MYBPC3: variants seen among roughly 807,000 people sequenced by gnomAD.
MYBPC3 encodes the protein myosin binding protein C3, also known as myosin-binding protein C, cardiac-type.
MYBPC3 carries 108 observed loss-of-function variants against 159.3 expected under a neutral mutation model. The observed-to-expected ratio is 0.68, with a 90% CI of 0.58 to 0.80. MYBPC3 has a LOEUF of 0.80. Ranked by LOEUF, MYBPC3 falls within the 30% of genes least tolerant of loss-of-function variation. MYBPC3 has a pLI of 0.00. For missense variants in MYBPC3, 1,631 were observed against 1,762.1 expected (o/e 0.93, Z 1.33); for synonymous variants, 730 against 702.0 (o/e 1.04, Z -0.63).
In MYBPC3 at chr11:47,331,736, A is replaced by G. The variant is rs2095875633; in HGVS notation, c.*27-20T>C. On this transcript the variant is annotated intron_variant, in intron 34 of 34. Transcript: ENST00000545968. Reference sequence around the variant, plus strand: ...TTGTACCTGCAACACAGGTTATCTTACGAGTGAATGGAGGGCCCCTACAGC... The same window carrying G: ...TTGTACCTGCAACACAGGTTATCTTGCGAGTGAATGGAGGGCCCCTACAGC... 2.6e-6 allele frequency: 3 copies of G among 1,160,046 alleles called. No individual in the cohort carries two copies. The highest frequency in any genetic ancestry group is 3.6e-6 in the Non-Finnish European group (3 of 831,718). 71.9% of individuals were successfully genotyped at this position (1,160,046 alleles called of 1,614,324 possible).
In MYBPC3 at chr11:47,351,244, T is replaced by G; in HGVS notation, c.287A>C (p.Glu96Ala). ...SKVKFDLKVI[E>A]AEKAEPMLAP... ...AAGGCTGATCAGGATCTTACCTGCC[T>G]CTATGACCTTGAGGTCGAACTTGAC... Residue 96 changes from glutamate to alanine, a missense_variant, in exon 2 of 35, where the codon GAG becomes GCG. Physicochemically the swap from Glu to Ala is moderately radical, Grantham distance 107. Transcript: ENST00000545968. This position sits in a 1 kb window ranked among gnomAD's most constrained non-coding sequence, Gnocchi z 4.2. 1 of 1,489,388 alleles carries G rather than the reference T, an allele frequency of 6.7e-7. No individual in the cohort carries two copies. The highest frequency in any genetic ancestry group is 9.1e-7 in the Non-Finnish European group (1 of 1,104,116). 92.3% of individuals were successfully genotyped at this position (1,489,388 alleles called of 1,614,324 possible). A position where few individuals can be genotyped will look rare whatever the true frequency, so the allele number is the denominator to read the frequency against.
rs545988908 is a variant in MYBPC3 at position 47,338,760 on chromosome 11, G to A, written c.2149-81C>T. 5.6e-6 allele frequency: 8 copies of A among 1,427,232 alleles called. No individual in the cohort carries two copies. Among genetic ancestry groups the A allele is most frequent in the East Asian group, 2.5e-5 (1 of 40,442 alleles). 88.4% of individuals were successfully genotyped at this position (1,427,232 alleles called of 1,614,324 possible). A position where few individuals can be genotyped will look rare whatever the true frequency, so the allele number is the denominator to read the frequency against. ...GCCTCCGCCAACAGCCAGATGTCCC[G>A]GGGGTCCATGGGGGGAACACAGCCT... On this transcript the variant is annotated intron_variant, in intron 22 of 34. Coordinates refer to ENST00000545968, the MANE Select transcript of MYBPC3 (RefSeq NM_000256.3). The surrounding 1 kb of genome is among the most constrained non-coding windows in gnomAD (Gnocchi z 4.7).
intron 26 of MYBPC3, chr11:47,335,443 T>C: frequency 2.8e-6 from 1 of 362,640 alleles, no homozygotes; most frequent in Non-Finnish European, 4.9e-6. Context: ...TTCTCCTGCC[T>C]CAGCCTCCCG....
At position 47,346,694 on chromosome 11, in the gene MYBPC3, A is replaced by G. The variant is rs2142864704; in HGVS notation, c.909-50T>C. 3 of 1,558,264 alleles carry G rather than the reference A, an allele frequency of 1.9e-6. No individual in the cohort carries two copies. Among genetic ancestry groups the G allele is most frequent in the Non-Finnish European group, 2.6e-6 (3 of 1,148,604 alleles). ...AAAGGGTAGGTGGCACATGAGAGGT[A>G]TGGCCACCTTCCCTCAAAGACCTGG... On this transcript the variant is annotated intron_variant, in intron 10 of 34. Coordinates refer to ENST00000545968, the MANE Select transcript of MYBPC3 (RefSeq NM_000256.3). The surrounding 1 kb of genome is among the most constrained non-coding windows in gnomAD (Gnocchi z 5.3).
rs397516070 is a variant in MYBPC3, at chr11:47,348,486, T to G, written c.710A>C (p.Tyr237Ser). ...GTCCTTGGTGGACACCTCACAGCGG[T>G]AGCTGCCAGTGAAGGCAGGCTGGGC... ...TDAQPAFTGSYRCEVSTKDKF... is the reference protein window; with the variant it reads ...TDAQPAFTGSSRCEVSTKDKF... Residue 237 changes from tyrosine to serine, a missense_variant, in exon 6 of 35, where the codon TAC becomes TCC. Tyr to Ser is a moderately radical substitution (Grantham distance 144, BLOSUM62 -2). Coordinates refer to ENST00000545968, the MANE Select transcript of MYBPC3 (RefSeq NM_000256.3). The G allele has an allele frequency of 5.0e-6, 8 of 1,613,486 alleles. No individual in the cohort carries two copies. The highest frequency in any genetic ancestry group is 6.8e-6 in the Non-Finnish European group (8 of 1,179,692).
At position 47,342,707 on chromosome 11, in the gene MYBPC3, A is replaced by G. The variant is rs2095890036; in HGVS notation, c.1495T>C (p.Phe499Leu). The G allele has an allele frequency of 1.2e-6, 2 of 1,613,926 alleles. No homozygotes were observed. Among genetic ancestry groups the G allele is most frequent in the Non-Finnish European group, 1.7e-6 (2 of 1,179,872 alleles). Reference sequence around the variant, plus strand: ...CCGTCCTTCTTGAACCGGTATTTGAAGGTCTCCTCCCGGGTCAGCTCCACC... The same window carrying G: ...CCGTCCTTCTTGAACCGGTATTTGAGGGTCTCCTCCCGGGTCAGCTCCACC... ...DGVELTREETFKYRFKKDGQR... is the reference protein window; with the variant it reads ...DGVELTREETLKYRFKKDGQR... The change falls in exon 17 of 35, where the codon TTC becomes CTC. Residue 499 changes from phenylalanine to leucine, a missense_variant. Transcript: ENST00000545968.
intron 3 of MYBPC3, 64 bp from the exon 4 acceptor site, chr11:47,350,176 T>C: frequency 1.3e-6 from 2 of 1,485,560 alleles, no homozygotes; most frequent in South Asian, 1.2e-5. Flanking sequence ...CAGGCTGGAG[T>C]GCAGAGGCAC....
intron 28 of MYBPC3, 21 bp downstream of exon 28, chr11:47,333,901 A>T (rs1304933477): frequency 2.6e-6 from 4 of 1,561,382 alleles, no homozygotes; most frequent in Non-Finnish European, 3.5e-6. Context: ...CCTGGGGGAC[A>T]GGGAAGGGGG....
intron 12 of MYBPC3, among the ~76,000 whole-genome samples, chr11:47,344,971 G>A (rs566099106): frequency 6.6e-6 from 1 of 152,212 alleles, no homozygotes; most frequent in South Asian, 2.1e-4. Flanking sequence ...TGTATTTTTA[G>A]TAGAGACGGG....
At position 47,343,743 on chromosome 11, in the gene MYBPC3, C is replaced by T. The variant is rs947769617; in HGVS notation, c.1091-119G>A. 1.4e-3 allele frequency: 1,299 copies of T among 943,428 alleles called. 1 individual carries two copies. Among genetic ancestry groups the T allele is most frequent in the Non-Finnish European group, 1.8e-3 (1,167 of 661,412 alleles). 58.4% of individuals were successfully genotyped at this position (943,428 alleles called of 1,614,324 possible). A position where few individuals can be genotyped will look rare whatever the true frequency, so the allele number is the denominator to read the frequency against. Reference sequence around the variant, plus strand: ...CCCTCCAATCCCCTCTGTGCCGCCCCGCTTCCACTTCTCTGTGTCTCTATT... The same window carrying T: ...CCCTCCAATCCCCTCTGTGCCGCCCTGCTTCCACTTCTCTGTGTCTCTATT... On this transcript the variant is annotated intron_variant, in intron 12 of 34. Coordinates refer to ENST00000545968, the MANE Select transcript of MYBPC3 (RefSeq NM_000256.3).
chr11:47,341,835 C>G (rs1314543570), intron 18 of MYBPC3, among the ~76,000 whole-genome samples, 156 bp downstream of exon 18: 1 of 152,112 alleles, frequency 6.6e-6, no homozygotes, highest in East Asian at 1.9e-4. Flanking sequence ...TCTGTTTCTC[C>G]CTCTCTGTGG....
At chr11:47,348,930 A>ATATATATATATATATATATATAT (rs1291880008) in intron 5 of MYBPC3, among the ~76,000 whole-genome samples, 59 of 133,550 alleles carry the variant, frequency 4.4e-4, no homozygotes, top group Non-Finnish European at 6.1e-4. Flanking sequence ...ATATATATTT[A>ATATATATATATATATATATATAT]AAGGAGGCTG....
intron 20 of MYBPC3, among the ~76,000 whole-genome samples, chr11:47,340,523 T>C (rs962043198): frequency 4.6e-5 from 7 of 151,974 alleles, no homozygotes; most frequent in Non-Finnish European, 1.0e-4. Flanking sequence ...AATAATTAGC[T>C]GGGCATGGTG....
rs730880577 is a variant in MYBPC3 at position 47,335,098 on chromosome 11, G to T, written c.2849C>A (p.Ala950Glu). The T allele has an allele frequency of 1.2e-6, 2 of 1,609,496 alleles. No homozygotes were observed. The highest frequency in any genetic ancestry group is 1.7e-6 in the Non-Finnish European group (2 of 1,177,816). Residue 950 changes from alanine to glutamate, a missense_variant, in exon 27 of 35, where the codon GCA becomes GAA. Ala to Glu is a moderately radical substitution (Grantham distance 107). Coordinates refer to ENST00000545968, the MANE Select transcript of MYBPC3 (RefSeq NM_000256.3). Reference protein sequence around the residue: ...LLFRVRAHNMAGPGAPVTTTE... With the variant: ...LLFRVRAHNMEGPGAPVTTTE... ...GGTGGTAACAGGGGCTCCAGGCCCT[G>T]CCATATTGTGTGCCCGCACTCGGAA...
At chr11:47,348,044 C>T in intron 6 of MYBPC3, 139 bp from the exon 7 acceptor site, 2 of 849,016 alleles carry the variant, frequency 2.4e-6, no homozygotes, top group Non-Finnish European at 3.8e-6. Flanking sequence ...GCCCCAGGAT[C>T]TCACCTTCCC....
In MYBPC3 at chr11:47,331,845, C is replaced by G; in HGVS notation, c.*26G>C. The stretch of plus-strand genomic sequence containing the variant: ...GCCCTGGGTGTCGGGTGGTACATAC[C>G]TGGCCATCCCCAGGAGCCAGCCTGG... On this transcript the variant is annotated splice_region_variant and 3_prime_UTR_variant, in exon 34 of 35. Coordinates refer to ENST00000545968, the MANE Select transcript of MYBPC3 (RefSeq NM_000256.3). 2 of 1,606,082 alleles carry G rather than the reference C, an allele frequency of 1.2e-6. No individual in the cohort carries two copies. Among genetic ancestry groups the G allele is most frequent in the Non-Finnish European group, 8.5e-7 (1 of 1,176,748 alleles).
intron 26 of MYBPC3, chr11:47,335,572 C>T (rs917176444): frequency 1.3e-5 from 4 of 305,176 alleles, no homozygotes; most frequent in African/African-American, 8.7e-5. Flanking sequence ...GGTGATCCGC[C>T]CACCTTGGCC....
intron 4 of MYBPC3, 21 bp downstream of exon 4, chr11:47,349,993 G>A (rs921418416): frequency 2.6e-5 from 41 of 1,560,084 alleles, no homozygotes; most frequent in Non-Finnish European, 3.4e-5. Flanking sequence ...CCCAATGCTG[G>A]GCACAGCAGC....
In MYBPC3 at chr11:47,343,662, C is replaced by T. The variant is rs368718460; in HGVS notation, c.1091-38G>A. On this transcript the variant is annotated intron_variant, in intron 12 of 34. Coordinates refer to ENST00000545968, the MANE Select transcript of MYBPC3 (RefSeq NM_000256.3). Reference sequence around the variant, plus strand: ...CCTCAGCCCCGGCCACCCCACCGCCCGCACCCTGCTCCCCCAGGCCAAGCT... The same window carrying T: ...CCTCAGCCCCGGCCACCCCACCGCCTGCACCCTGCTCCCCCAGGCCAAGCT... 5.5e-5 allele frequency: 85 copies of T among 1,557,778 alleles called. 1 individual carries two copies. In the African/African-American group the frequency reaches 6.6e-4, roughly 12 times the overall value.
Sources: gnomAD v4.1 joint callset for allele counts (sites outside exome capture counted in the v4.1 genomes callset) on GRCh38, gnomAD v4.1.1 for gene constraint, Gnocchi (gnomAD v3.1) non-coding constraint, MANE v1.5 for transcripts, NCBI Gene and HGNC (gene_info 2026-07-23, HGNC 2026-07-21) for gene names.